The following NEU4 variants were observed in gnomAD, a reference collection of about 807,000 sequenced individuals.
The protein encoded by NEU4 is sialidase-4.
NEU4 carries 7 observed loss-of-function variants against 9.9 expected under a neutral mutation model. That is an observed-to-expected ratio of 0.71 (90% CI 0.40 to 1.33). The LOEUF (loss-of-function observed/expected upper bound fraction) is 1.33. Among genes scored for constraint, NEU4 ranks in the 40% most tolerant of loss-of-function variants. The probability of loss-of-function intolerance (pLI) is 0.01; values close to 1 mark genes in which losing one functional copy is unlikely to be tolerated. For missense variants in NEU4, 717 were observed against 712.6 expected, an observed-to-expected ratio of 1.01 and a Z score of -0.07; for synonymous variants, 348 against 316.9, an observed-to-expected ratio of 1.10 and a Z score of -1.04.
chr2:241,813,490 C>T lies in NEU4; in HGVS notation c.-3-992C>T, dbSNP rs111238032. 1,227 of 1,180,288 alleles carry T rather than the reference C, an allele frequency of 1.0e-3. 12 individuals are homozygous for T. The African/African-American group carries it at 0.018, about 17-fold the overall frequency. 73.1% of individuals were successfully genotyped at this position (1,180,288 alleles called of 1,614,324 possible). A position where few individuals can be genotyped will look rare whatever the true frequency, so the allele number is the denominator to read the frequency against. On this transcript the variant is annotated intron_variant, in intron 1 of 3. Transcript: ENST00000407683. ...ACGCTCGGCTCCGTCTGCCTTTGTG[C>T]GATCAGACTGAGAGACCCCCCAGGC...
intron 3 of NEU4, chr2:241,815,613 A>C: frequency 4.1e-6 from 2 of 483,418 alleles, no homozygotes; most frequent in Non-Finnish European, 8.3e-6. Flanking sequence ...CCTTCCTCTT[A>C]TTCTTTACTC....
At chr2:241,812,424 C>A (rs1187218836) in intron 1 of NEU4, among the ~76,000 whole-genome samples, 2 of 124,704 alleles carry the variant, frequency 1.6e-5, no homozygotes, top group Non-Finnish European at 3.5e-5. Context: ...TCAAGCCAAA[C>A]CCCTGGAATG....
rs757111681 is a variant in NEU4, at chr2:241,814,580, C to CG, written c.99dup (p.Pro34AlafsTer14). On this transcript the variant is annotated frameshift_variant, in exon 2 of 4. Transcript: ENST00000407683. LOFTEE classifies it high-confidence loss of function. ...TGCCCTCGCTGCTCCCCGTGCCCCC[C>CG]GGGCCCACCCTGCTGGCCTTTGTGG... is the stretch of plus-strand genomic sequence containing the variant. 1 of 1,612,234 alleles carries CG rather than the reference C, an allele frequency of 6.2e-7. No homozygotes were observed. The highest frequency in any genetic ancestry group is 1.3e-5 in the African/African-American group (1 of 75,040).
chr2:241,815,942 T>A (rs1700310165), intron 3 of NEU4, 109 bp from the exon 4 acceptor site: 1 of 1,126,322 alleles, frequency 8.9e-7, no homozygotes, highest in Admixed American at 2.6e-5. Context: ...AGTGCGATGG[T>A]CCTAACCCGA....
chr2:241,816,403 C>T lies in NEU4; in HGVS notation c.810C>T (p.Pro270=), dbSNP rs777937036. The T allele has an allele frequency of 6.2e-6, 10 of 1,603,232 alleles. No individual in the cohort carries two copies. Among genetic ancestry groups the T allele is most frequent in the South Asian group, 4.4e-5 (4 of 89,888 alleles). ...CCGCAGAGCGCGTGGCTTCCCTGCCCGAGACTGCCTGGGGCTGCCAGGGCA... is the reference window on the plus strand; with the variant it reads ...CCGCAGAGCGCGTGGCTTCCCTGCCTGAGACTGCCTGGGGCTGCCAGGGCA... The part of the protein sequence containing the change: ...FLPAERVASL[P]ETAWGCQGSI... Residue 270 remains proline, a synonymous_variant, in exon 4 of 4, where the codon CCC becomes CCT. Transcript: ENST00000407683.
chr2:241,813,991 C>T, intron 1 of NEU4: 1 of 326,488 alleles, frequency 3.1e-6, no homozygotes, highest in South Asian at 2.4e-5. Flanking sequence ...GTGGGCTCAC[C>T]TCTTTGTGTC....
At chr2:241,815,175 C>A in intron 3 of NEU4, 28 bp downstream of exon 3, 1 of 1,510,522 alleles carries the variant, frequency 6.6e-7, no homozygotes, top group South Asian at 1.3e-5. Context: ...CGGTCTGGGT[C>A]CCTTTGATTG....
rs540700051 is a variant in NEU4 at position 241,814,699 on chromosome 2, C to T, written c.201+14C>T. The T allele has an allele frequency of 2.1e-4, 329 of 1,538,628 alleles. No individual in the cohort carries two copies. The highest frequency in any genetic ancestry group is 1.5e-3 in the African/African-American group (111 of 73,212). On this transcript the variant is annotated intron_variant, in intron 2 of 3. Coordinates refer to ENST00000407683, the MANE Select transcript of NEU4 (RefSeq NM_001167600.3). ...GGCTCCGTGCGGGTGAGTGAGTGGCCGGGGGCTCTGTGTGGGTGTAGTGGC... is the reference window on the plus strand; with the variant it reads ...GGCTCCGTGCGGGTGAGTGAGTGGCTGGGGGCTCTGTGTGGGTGTAGTGGC...
intron 1 of NEU4, chr2:241,811,264 G>T (rs1700104368): frequency 2.4e-6 from 3 of 1,262,080 alleles, no homozygotes; most frequent in Non-Finnish European, 3.0e-6. Context: ...TGTGGCTCCT[G>T]GGTGCCCATC....
At position 241,816,805 on chromosome 2, in the gene NEU4, C is replaced by T. The variant is rs761009589; in HGVS notation, c.1212C>T (p.Arg404=). The T allele has an allele frequency of 2.7e-5, 43 of 1,605,542 alleles. No individual in the cohort carries two copies. The South Asian group carries it at 4.5e-4, about 17-fold the overall frequency. The change falls in exon 4 of 4, where the codon CGC becomes CGT. Residue 404 remains arginine (R), a synonymous_variant. Transcript: ENST00000407683. ...TGAGCCAGTCCCCGCTGGACCCGCG[C>T]AGCTGGACAGAGCCCTGGGTGATCT... ...IRLSQSPLDP[R]SWTEPWVIYE... is the part of the protein sequence containing the mutation.
intron 3 of NEU4, 151 bp downstream of exon 3, chr2:241,815,298 C>T (rs1391920473): frequency 1.8e-6 from 2 of 1,104,800 alleles, no homozygotes; most frequent in East Asian, 5.2e-5. Context: ...TTCTGCGCCT[C>T]CCGTCCCAGG....
At chr2:241,815,442 T>TCTCTTTATCTGCAGA (rs1700293661) in intron 3 of NEU4, 1 of 528,826 alleles carries the variant, frequency 1.9e-6, no homozygotes, top group African/African-American at 1.9e-5. Flanking sequence ...CCCAGGCAAA[T>TCTCTTTATCTGCAGA]GGGTATTGAT....
rs368132672 is a variant in NEU4 at position 241,814,609 on chromosome 2, A to G, written c.125A>G (p.Gln42Arg). 409 of 1,609,262 alleles carry G rather than the reference A, an allele frequency of 2.5e-4. No homozygotes were observed. The highest frequency in any genetic ancestry group is 3.4e-4 in the Non-Finnish European group (395 of 1,178,664). The change falls in exon 2 of 4, where the codon CAG becomes CGG. Residue 42 changes from glutamine to arginine, a missense_variant. Gln to Arg is a conservative substitution (Grantham distance 43, BLOSUM62 1). Coordinates refer to ENST00000407683, the MANE Select transcript of NEU4 (RefSeq NM_001167600.3). ...PGPTLLAFVE[Q>R]RLSPDDSHAH... ...CCCACCCTGCTGGCCTTTGTGGAGCAGCGGCTCAGCCCTGACGACTCCCAC... is the reference window on the plus strand; with the variant it reads ...CCCACCCTGCTGGCCTTTGTGGAGCGGCGGCTCAGCCCTGACGACTCCCAC...
rs1263656061 is a variant in NEU4, at chr2:241,816,797, G to C, written c.1204G>C (p.Asp402His). The C allele has an allele frequency of 6.2e-7, 1 of 1,601,460 alleles. No individual in the cohort carries two copies. The highest frequency in any genetic ancestry group is 1.7e-5 in the Admixed American group (1 of 58,338). The change falls in exon 4 of 4, where the codon GAC (aspartate) becomes CAC (histidine). Residue 402 changes from aspartate to histidine, a missense_variant. Coordinates refer to ENST00000407683, the MANE Select transcript of NEU4 (RefSeq NM_001167600.3). ...TATCCGCCTGAGCCAGTCCCCGCTG[G>C]ACCCGCGCAGCTGGACAGAGCCCTG... ...MGIRLSQSPL[D>H]PRSWTEPWVI...
intron 1 of NEU4, chr2:241,811,312 T>A: frequency 7.5e-7 from 1 of 1,328,938 alleles, no homozygotes; most frequent in Non-Finnish European, 9.7e-7. Flanking sequence ...AGTGGAGCCG[T>A]GCCACCGTGG....
At position 241,816,346 on chromosome 2, in the gene NEU4, G is replaced by T. The variant is rs376259377; in HGVS notation, c.753G>T (p.Ala251=). 1 of 1,582,622 alleles carries T rather than the reference G, an allele frequency of 6.3e-7. No individual in the cohort carries two copies. Among genetic ancestry groups the T allele is most frequent in the East Asian group, 2.3e-5 (1 of 43,128 alleles). The part of the protein sequence containing the change: ...ARSPLGSRVQ[A]LSTDEGTSFL... ...GCCCACTGGGCAGCCGTGTGCAGGC[G>T]CTCAGCACTGACGAGGGCACCTCCT... Residue 251 remains alanine, a synonymous_variant, in exon 4 of 4, where the codon GCG becomes GCT. Coordinates refer to ENST00000407683, the MANE Select transcript of NEU4 (RefSeq NM_001167600.3).
chr2:241,813,558 GCC>G (rs1700195066), intron 1 of NEU4: 1 of 1,270,720 alleles, frequency 7.9e-7, no homozygotes, highest in South Asian at 1.3e-5. Flanking sequence ...TGCCCCAAAT[GCC>G]CCCTCACCCG....
At chr2:241,811,458 G>A in intron 1 of NEU4, 1 of 1,568,322 alleles carries the variant, frequency 6.4e-7, no homozygotes. Flanking sequence ...TCCCAAGGTG[G>A]CTGGTGAGTC....
intron 3 of NEU4, 40 bp from the exon 4 acceptor site, chr2:241,816,011 G>A (rs1396692995): frequency 2.0e-6 from 3 of 1,529,590 alleles, no homozygotes; most frequent in East Asian, 4.7e-5. Context: ...CGACCTCGGG[G>A]ACCCAGCAGC....
Sources: allele counts gnomAD v4.1 joint callset (sites outside exome capture counted in the v4.1 genomes callset), GRCh38; gene constraint gnomAD v4.1.1; transcripts MANE v1.5; gene names NCBI Gene and HGNC (gene_info 2026-07-23, HGNC 2026-07-21).